Variants in IGSF5 observed in about 807,000 individuals in gnomAD.
IGSF5 encodes the protein immunoglobulin superfamily 5 like.
In IGSF5, 41 loss-of-function variants were observed where a neutral mutation model predicts 39.4. The observed-to-expected ratio is 1.04, with a 90% CI of 0.81 to 1.35. The LOEUF (loss-of-function observed/expected upper bound fraction) is 1.35, where lower values mean the gene tolerates loss of function less well. IGSF5 is among the 40% of genes most tolerant of loss of function. The probability of loss-of-function intolerance (pLI) is 0.00; values close to 1 mark genes in which losing one functional copy is unlikely to be tolerated. For missense variants in IGSF5, 487 were observed against 494.6 expected (o/e 0.98, Z 0.15); for synonymous variants, 183 against 175.3 (o/e 1.04, Z -0.34).
At chr21:39,729,353 T>A in the IGSF5 span, 2 of 152,238 alleles carry the variant, frequency 1.3e-5, no homozygotes, top group Non-Finnish European at 2.9e-5. Flanking sequence ...CATGCCTAGA[T>A]TCAAGGGGTG....
At chr21:39,741,120 G>A (rs1394739318), upstream of IGSF5, among the ~76,000 whole-genome samples, 1 of 150,920 alleles carries the variant, frequency 6.6e-6, no homozygotes, top group Admixed American at 6.6e-5. Flanking sequence ...TTTGTTTTTT[G>A]TGACATATGA....
chr21:39,728,862 A>G, the IGSF5 span, among the ~76,000 whole-genome samples: 1 of 152,172 alleles, frequency 6.6e-6, no homozygotes, highest in Non-Finnish European at 1.5e-5. Context: ...CTAATCTAGT[A>G]TCATCCCATG....
chr21:39,734,436 AAAT>A, the IGSF5 span, among the ~76,000 whole-genome samples: 1 of 78,186 alleles, frequency 1.3e-5, no homozygotes, highest in African/African-American at 4.9e-5. Context: ...AAAAAAAAAA[AAAT>A]ACACACACAC....
At chr21:39,766,818 A>G (rs188741385) in intron 3 of IGSF5, among the ~76,000 whole-genome samples, 20 of 144,108 alleles carry the variant, frequency 1.4e-4, no homozygotes, top group Middle Eastern at 3.4e-3. Context: ...ATAAGAGAAT[A>G]TATTATATCT....
chr21:39,728,591 G>C, the IGSF5 span, among the ~76,000 whole-genome samples: 1 of 152,138 alleles, frequency 6.6e-6, no homozygotes, highest in Non-Finnish European at 1.5e-5. Flanking sequence ...TGACGCACTC[G>C]CTCTTTCTGC....
At chr21:39,788,439 T>C (rs2086937843) in intron 6 of IGSF5, among the ~76,000 whole-genome samples, 1 of 151,904 alleles carries the variant, frequency 6.6e-6, no homozygotes, top group Non-Finnish European at 1.5e-5. Context: ...CTTAGGGAAA[T>C]GGAGATTTTC....
In IGSF5 at chr21:39,763,170, C is replaced by T. The variant is rs1255036583; in HGVS notation, c.101-2365C>T. ...CCTGAGTCTTGAGGCACAGCTGCGGCGTGGTTTACTTAGGGTTTGTTCTAG... is the reference window on the plus strand; with the variant it reads ...CCTGAGTCTTGAGGCACAGCTGCGGTGTGGTTTACTTAGGGTTTGTTCTAG... On this transcript the variant is annotated intron_variant, in intron 2 of 8. Transcript: ENST00000380588. 1.2e-4 allele frequency among the ~76,000 whole-genome samples: 18 copies of T among 152,152 alleles called. No individual in the cohort carries two copies. The East Asian group carries it at 3.5e-3, about 29-fold the overall frequency.
the IGSF5 span, among the ~76,000 whole-genome samples, chr21:39,715,438 C>T: frequency 6.6e-6 from 1 of 152,148 alleles, no homozygotes. Context: ...ATTTCTTATG[C>T]TATAAAGGCC....
chr21:39,711,781 C>T, the IGSF5 span, among the ~76,000 whole-genome samples: 8 of 152,260 alleles, frequency 5.3e-5, no homozygotes, highest in African/African-American at 1.9e-4. Flanking sequence ...GATCTGCCCA[C>T]CTCAGTCTCC....
At chr21:39,751,765 G>A (rs565049562) in intron 2 of IGSF5, among the ~76,000 whole-genome samples, 5 of 152,310 alleles carry the variant, frequency 3.3e-5, no homozygotes, top group South Asian at 2.1e-4. Flanking sequence ...GACTCATGAC[G>A]TCTGCCATTC....
chr21:39,765,396 T>A (rs376153183), intron 2 of IGSF5, 139 bp from the exon 3 acceptor site: 8 of 713,846 alleles, frequency 1.1e-5, no homozygotes, highest in East Asian at 2.7e-5. Context: ...GAGCTGGTGT[T>A]CGGATTCAAA....
the IGSF5 span, among the ~76,000 whole-genome samples, chr21:39,718,882 ATCT>A: frequency 6.6e-6 from 1 of 152,080 alleles, no homozygotes; most frequent in Admixed American, 6.6e-5. Context: ...TTGGGGAGAA[ATCT>A]TCTTCCTCAA....
At chr21:39,792,958 C>A (rs1179545737) in intron 7 of IGSF5, among the ~76,000 whole-genome samples, 1 of 152,016 alleles carries the variant, frequency 6.6e-6, no homozygotes, top group African/African-American at 2.4e-5. Context: ...GCTGAGGGGC[C>A]TAAACACCTG....
intron 5 of IGSF5, among the ~76,000 whole-genome samples, chr21:39,780,913 A>G (rs982025848): frequency 6.6e-6 from 1 of 152,216 alleles, no homozygotes; most frequent in East Asian, 1.9e-4. Flanking sequence ...CATTTTGTAC[A>G]GTTAAATTAT....
At chr21:39,739,170 T>G in the IGSF5 span, among the ~76,000 whole-genome samples, 1 of 151,952 alleles carries the variant, frequency 6.6e-6, no homozygotes, top group Non-Finnish European at 1.5e-5. Flanking sequence ...CCTCAAGTGA[T>G]CCGCCCACTT....
the IGSF5 span, among the ~76,000 whole-genome samples, chr21:39,737,474 G>A: frequency 6.6e-6 from 1 of 152,180 alleles, no homozygotes; most frequent in Non-Finnish European, 1.5e-5. Context: ...GCATGTCCAG[G>A]CCTCCAGAAC....
chr21:39,794,324 C>G (rs971873973), intron 8 of IGSF5, among the ~76,000 whole-genome samples: 2 of 152,060 alleles, frequency 1.3e-5, no homozygotes, highest in African/African-American at 4.8e-5. Context: ...GTTAGATGTC[C>G]ACATGGAGAT....
chr21:39,768,562 A>G (rs1165534441), intron 3 of IGSF5, among the ~76,000 whole-genome samples: 2 of 152,140 alleles, frequency 1.3e-5, no homozygotes, highest in Non-Finnish European at 2.9e-5. Flanking sequence ...TCAATCACAC[A>G]CCAAACTCTA....
the IGSF5 span, among the ~76,000 whole-genome samples, chr21:39,731,033 C>G: frequency 2.6e-5 from 4 of 152,228 alleles, no homozygotes; most frequent in African/African-American, 9.6e-5. Context: ...GACAAGGTCT[C>G]CTGTCCCCTG....
Sources: gnomAD v4.1 joint callset for allele counts (sites outside exome capture counted in the v4.1 genomes callset) on GRCh38, gnomAD v4.1.1 for gene constraint, MANE v1.5 for transcripts, NCBI Gene and HGNC (gene_info 2026-07-23, HGNC 2026-07-21) for gene names.